The following NUDT7 variants were observed in gnomAD, a reference collection of about 807,000 sequenced individuals.
The protein encoded by NUDT7 is nudix hydrolase 7, also known as peroxisomal coenzyme A diphosphatase NUDT7.
Under a neutral mutation model 13.1 loss-of-function variants are expected in NUDT7, and 19 were observed. The ratio of observed to expected loss-of-function variants is 1.45; its 90% CI spans 1.01 to 2.13. The LOEUF (loss-of-function observed/expected upper bound fraction) is 2.13. Among genes scored for constraint, NUDT7 ranks in the 30% most tolerant of loss-of-function variants. The probability of loss-of-function intolerance (pLI) is 0.00; values close to 1 mark genes in which losing one functional copy is unlikely to be tolerated. For missense variants in NUDT7, 360 were observed against 291.7 expected (o/e 1.23, Z -1.71); for synonymous variants, 132 against 109.7 (o/e 1.20, Z -1.27).
intron 2 of NUDT7, among the ~76,000 whole-genome samples, chr16:77,730,567 A>C (rs1220013551): frequency 6.6e-6 from 1 of 152,184 alleles, no homozygotes; most frequent in East Asian, 1.9e-4. Context: ...TGCTGCAGTA[A>C]ACATGGGTGT....
At chr16:77,740,099 T>C (rs111469230) in intron 3 of NUDT7, among the ~76,000 whole-genome samples, 130 of 152,194 alleles carry the variant, frequency 8.5e-4, no homozygotes, top group African/African-American at 2.9e-3. Flanking sequence ...CAATGCCAGG[T>C]GTGGTGTTAC....
chr16:77,732,335 A>AAAAAG (rs111333106), intron 2 of NUDT7, among the ~76,000 whole-genome samples: 14,176 of 151,314 alleles, frequency 0.094, 784 homozygotes, highest in African/African-American at 0.15. Flanking sequence ...TCAAAAAAAA[A>AAAAAG]AAAGAAAAAG....
At chr16:77,740,990 A>T (rs879329100) in intron 3 of NUDT7, among the ~76,000 whole-genome samples, 2 of 152,150 alleles carry the variant, frequency 1.3e-5, no homozygotes, top group Non-Finnish European at 2.9e-5. Context: ...GTACTATGAA[A>T]TTTTTCCATA....
intron 3 of NUDT7, among the ~76,000 whole-genome samples, chr16:77,739,153 G>A (rs565369253): frequency 6.6e-6 from 1 of 152,298 alleles, no homozygotes; most frequent in East Asian, 1.9e-4. Context: ...TAGGGGGCCT[G>A]ATCCAGACCC....
chr16:77,732,529 G>T (rs1030341711), intron 2 of NUDT7, among the ~76,000 whole-genome samples: 1 of 151,850 alleles, frequency 6.6e-6, no homozygotes, highest in Non-Finnish European at 1.5e-5. Context: ...AACCATTTTT[G>T]ATCTTTTATA....
At chr16:77,726,947 C>CGTGGCAG (rs2145105316) in intron 2 of NUDT7, among the ~76,000 whole-genome samples, 1 of 120,870 alleles carries the variant, frequency 8.3e-6, no homozygotes, top group Admixed American at 8.3e-5. Flanking sequence ...AGTGTACCAT[C>CGTGGCAG]ATGGCAGAGG....
chr16:77,722,880 C>T (rs1258468173), intron 1 of NUDT7, among the ~76,000 whole-genome samples: 2 of 152,184 alleles, frequency 1.3e-5, no homozygotes, highest in Non-Finnish European at 2.9e-5. Flanking sequence ...GGCTGTTCTG[C>T]AATCCGCGTC....
chr16:77,741,173 G>T (rs142307317), intron 3 of NUDT7, among the ~76,000 whole-genome samples: 131 of 152,222 alleles, frequency 8.6e-4, no homozygotes, highest in African/African-American at 3.0e-3. Context: ...TGCCTATAAA[G>T]TGAAGAGTGA....
intron 3 of NUDT7, chr16:77,737,347 G>A (rs1478924795): frequency 6.6e-6 from 1 of 152,146 alleles, no homozygotes; most frequent in East Asian, 1.9e-4. Flanking sequence ...GTATTTTATA[G>A]AATGTTCCCC....
At chr16:77,728,657 G>A (rs980573058) in intron 2 of NUDT7, among the ~76,000 whole-genome samples, 1 of 152,176 alleles carries the variant, frequency 6.6e-6, no homozygotes, top group Non-Finnish European at 1.5e-5. Context: ...CGCCCAGCAC[G>A]GCTGCTGGCA....
intron 1 of NUDT7, among the ~76,000 whole-genome samples, chr16:77,725,187 T>G (rs2014090062): frequency 6.6e-6 from 1 of 152,234 alleles, no homozygotes; most frequent in Non-Finnish European, 1.5e-5. Flanking sequence ...TTTACCATAC[T>G]TTATGTTTCA....
In NUDT7 at chr16:77,738,729, T is replaced by C. The variant is rs113043355; in HGVS notation, c.348+2743T>C. 1.2e-3 allele frequency among the ~76,000 whole-genome samples: 177 copies of C among 152,300 alleles called. 2 individuals carry two copies. Among genetic ancestry groups the C allele is most frequent in the African/African-American group, 4.0e-3 (167 of 41,560 alleles). ...AGCTACCTATGTATGTATGCACCTA[T>C]GTATGTACCCGCTACATAAGCCTTC... On this transcript the variant is annotated intron_variant, in intron 3 of 3. Coordinates refer to ENST00000268533, the MANE Select transcript of NUDT7 (RefSeq NM_001105663.3).
chr16:77,735,426 C>T (rs1314661064), intron 2 of NUDT7: 5 of 642,036 alleles, frequency 7.8e-6, no homozygotes, highest in East Asian at 2.8e-5. Flanking sequence ...CTTTACCTTC[C>T]GCCATGATTG....
At chr16:77,738,054 G>A (rs2014546326) in intron 3 of NUDT7, among the ~76,000 whole-genome samples, 2 of 152,154 alleles carry the variant, frequency 1.3e-5, no homozygotes, top group African/African-American at 4.8e-5. Context: ...CTAAGTGTGT[G>A]TGTATGAAAG....
chr16:77,724,615 C>A (rs1476274401), intron 1 of NUDT7, among the ~76,000 whole-genome samples: 1 of 152,108 alleles, frequency 6.6e-6, no homozygotes, highest in African/African-American at 2.4e-5. Context: ...ATTTAGAGCT[C>A]ACTTTAATTA....
At position 77,741,787 on chromosome 16, in the gene NUDT7, C is replaced by T; in HGVS notation, c.554C>T (p.Thr185Ile). 1.2e-6 allele frequency: 2 copies of T among 1,614,134 alleles called. No homozygotes were observed. The highest frequency in any genetic ancestry group is 1.7e-6 in the Non-Finnish European group (2 of 1,180,044). Residue 185 changes from threonine (T) to isoleucine (I), a missense_variant, in exon 4 of 4, where the codon ACT (threonine) becomes ATT (isoleucine). Thr to Ile is a moderately conservative substitution (Grantham distance 89). Coordinates refer to ENST00000268533, the MANE Select transcript of NUDT7 (RefSeq NM_001105663.3). The part of the protein sequence containing the change: ...FEYTNPEDGV[T>I]YQIKGMTANL... Reference sequence around the variant, plus strand: ...TACACAAACCCTGAAGACGGTGTCACTTACCAGATCAAGGGAATGACGGCA... The same window carrying T: ...TACACAAACCCTGAAGACGGTGTCATTTACCAGATCAAGGGAATGACGGCA...
At chr16:77,725,014 T>G (rs1409873480) in intron 1 of NUDT7, among the ~76,000 whole-genome samples, 2 of 152,182 alleles carry the variant, frequency 1.3e-5, no homozygotes, top group Non-Finnish European at 2.9e-5. Flanking sequence ...GAACCACTAT[T>G]ATAAGCAGTT....
chr16:77,734,949 C>T (rs183621656), intron 2 of NUDT7, among the ~76,000 whole-genome samples: 14 of 152,200 alleles, frequency 9.2e-5, no homozygotes, highest in East Asian at 1.9e-4. Flanking sequence ...ATGTATTAAA[C>T]GTCTCTGCTT....
In NUDT7 at chr16:77,735,790, A is replaced by G. The variant is rs758545743; in HGVS notation, c.190-38A>G. On this transcript the variant is annotated intron_variant, in intron 2 of 3. Coordinates refer to ENST00000268533, the MANE Select transcript of NUDT7 (RefSeq NM_001105663.3). ...TGAATGCATAAATAGTTCCAAAATT[A>G]GAATCCCACATTGTAGCGCTGTTCT... 3 of 1,577,630 alleles carry G rather than the reference A, an allele frequency of 1.9e-6. No homozygotes were observed. In the African/African-American group the frequency reaches 4.1e-5, roughly 21 times the overall value.
Sources: gnomAD v4.1 joint callset for allele counts (sites outside exome capture counted in the v4.1 genomes callset) on GRCh38, gnomAD v4.1.1 for gene constraint, MANE v1.5 for transcripts, NCBI Gene and HGNC (gene_info 2026-07-23, HGNC 2026-07-21) for gene names.